AMMECR1: variants seen among roughly 807,000 people sequenced by gnomAD.
The protein encoded by AMMECR1 is nuclear protein AMMECR1.
A neutral mutation model predicts 22.5 loss-of-function variants in AMMECR1; 3 were observed. That is an observed-to-expected ratio of 0.13 (90% CI 0.06 to 0.35). The LOEUF (loss-of-function observed/expected upper bound fraction) is 0.35. Ranked by LOEUF, AMMECR1 falls within the 10% of genes least tolerant of loss-of-function variation. The probability of loss-of-function intolerance (pLI) is 1.00; values close to 1 mark genes in which losing one functional copy is unlikely to be tolerated. For synonymous variants in AMMECR1, 130 were observed against 116.7 expected (o/e 1.11, Z -0.74); for missense variants, 235 against 278.7 (o/e 0.84, Z 1.12).
intron 2 of AMMECR1, among the ~76,000 whole-genome samples, chrX:110,338,271 A>G (rs2068148566): frequency 1.8e-5 from 2 of 112,461 alleles, no homozygotes; most frequent in South Asian, 7.4e-4. Flanking sequence ...AAGAAGACCT[A>G]AAACAGACTT....
At chrX:110,429,458 G>GTTTTTTTTTTTTTTT (rs554736940) in intron 1 of AMMECR1, among the ~76,000 whole-genome samples, 2 of 80,935 alleles carry the variant, frequency 2.5e-5, no homozygotes, top group African/African-American at 9.0e-5. Flanking sequence ...GAGAAAAAGT[G>GTTTTTTTTTTTTTTT]TTTTTTTTTT....
intron 4 of AMMECR1, 134 bp from the exon 5 acceptor site, chrX:110,201,184 A>G: frequency 2.5e-6 from 1 of 397,251 alleles, no homozygotes; most frequent in Non-Finnish European, 4.3e-6. Flanking sequence ...CCTAAAAACA[A>G]TCACACAGAA....
At chrX:110,352,528 C>T (rs2068215114) in intron 2 of AMMECR1, among the ~76,000 whole-genome samples, 1 of 111,630 alleles carries the variant, frequency 9.0e-6, no homozygotes, top group Admixed American at 9.5e-5. Context: ...TTTGGTGGTG[C>T]CCTAGGGGTG....
intron 2 of AMMECR1, among the ~76,000 whole-genome samples, chrX:110,378,754 T>C (rs1161322017): frequency 8.9e-6 from 1 of 111,870 alleles, no homozygotes; most frequent in Non-Finnish European, 1.9e-5. Flanking sequence ...CAATTTCATT[T>C]GAATGGTCCT....
chrX:110,246,195 T>A (rs2067657687), intron 2 of AMMECR1, among the ~76,000 whole-genome samples: 1 of 111,982 alleles, frequency 8.9e-6, no homozygotes, highest in Admixed American at 9.5e-5. Context: ...CACAACTTAA[T>A]AGGTGTGATT....
At chrX:110,229,782 A>G (rs2067553107) in intron 2 of AMMECR1, among the ~76,000 whole-genome samples, 1 of 112,173 alleles carries the variant, frequency 8.9e-6, no homozygotes. Flanking sequence ...CTACCTGGAA[A>G]AGCGGGACAC....
chrX:110,366,335 T>C (rs928794257), intron 2 of AMMECR1, among the ~76,000 whole-genome samples: 1 of 111,881 alleles, frequency 8.9e-6, no homozygotes, highest in African/African-American at 3.3e-5. Context: ...GAGTCCTTAA[T>C]AGGTCAACAG....
chrX:110,239,562 TA>T (rs2067619948), intron 2 of AMMECR1, among the ~76,000 whole-genome samples: 1 of 111,590 alleles, frequency 9.0e-6, no homozygotes, highest in African/African-American at 3.3e-5. Context: ...AAAGACCAAA[TA>T]TTTTTTGATT....
chrX:110,380,136 T>C lies in AMMECR1; in HGVS notation c.-148+46522A>G, dbSNP rs190426535. Among the ~76,000 whole-genome samples the C allele has an allele frequency of 2.7e-5, 3 of 111,454 alleles. No homozygotes were observed. In the East Asian group the frequency reaches 8.4e-4, roughly 31 times the overall value. On this transcript the variant is annotated intron_variant, in intron 2 of 7. Coordinates refer to the AMMECR1 transcript ENST00000372057. ...TGGGAATGGGGCAGGGTGAGAAAGA[T>C]AGTATGAATAAAGGTACAGACATGG...
At chrX:110,246,595 T>C (rs889669926) in intron 2 of AMMECR1, among the ~76,000 whole-genome samples, 1 of 111,976 alleles carries the variant, frequency 8.9e-6, no homozygotes, top group Non-Finnish European at 1.9e-5. Context: ...TGCAAAGATG[T>C]GAAAAATATA....
At chrX:110,292,051 T>A (rs896714894) in intron 1 of AMMECR1, among the ~76,000 whole-genome samples, 20 of 112,411 alleles carry the variant, frequency 1.8e-4, no homozygotes, top group Non-Finnish European at 3.6e-4. Context: ...TTAGTATTGA[T>A]AATACACTAT....
chrX:110,256,038 T>C (rs2067709436), intron 2 of AMMECR1, among the ~76,000 whole-genome samples: 1 of 112,228 alleles, frequency 8.9e-6, no homozygotes. Flanking sequence ...TGCTTAATGG[T>C]GGGGATTCAT....
intron 2 of AMMECR1, among the ~76,000 whole-genome samples, chrX:110,410,961 G>T (rs2068638077): frequency 1.8e-5 from 2 of 112,133 alleles, no homozygotes; most frequent in Admixed American, 1.9e-4. Context: ...TTCCTATTTT[G>T]GTTCCTAAAT....
chrX:110,233,797 T>G (rs932202054), intron 2 of AMMECR1, among the ~76,000 whole-genome samples: 1 of 112,104 alleles, frequency 8.9e-6, no homozygotes, highest in African/African-American at 3.2e-5. Flanking sequence ...TGCTAAAAAC[T>G]CTCAATAAAT....
At chrX:110,302,993 T>G (rs2067976042) in intron 1 of AMMECR1, among the ~76,000 whole-genome samples, 1 of 111,837 alleles carries the variant, frequency 8.9e-6, no homozygotes, top group Non-Finnish European at 1.9e-5. Context: ...AGTGTTTAAA[T>G]ATAACAATTC....
chrX:110,384,849 A>C (rs555511019), intron 2 of AMMECR1, among the ~76,000 whole-genome samples: 2 of 110,689 alleles, frequency 1.8e-5, no homozygotes, highest in East Asian at 5.6e-4. Context: ...AAGAGGTGCA[A>C]AACTCCTGGG....
intron 1 of AMMECR1, among the ~76,000 whole-genome samples, chrX:110,437,916 C>T (rs2068850933): frequency 9.0e-6 from 1 of 111,568 alleles, no homozygotes; most frequent in African/African-American, 3.3e-5. Flanking sequence ...AGGGAGTTCC[C>T]CTATCTCTTA....
At chrX:110,289,973 T>C (rs2067899417) in intron 1 of AMMECR1, among the ~76,000 whole-genome samples, 1 of 111,363 alleles carries the variant, frequency 9.0e-6, no homozygotes, top group African/African-American at 3.3e-5. Flanking sequence ...AAATAAAACA[T>C]ACTGGAATCA....
chrX:110,361,536 T>C (rs1232464391), intron 2 of AMMECR1, among the ~76,000 whole-genome samples: 2 of 111,378 alleles, frequency 1.8e-5, no homozygotes, highest in African/African-American at 6.5e-5. Flanking sequence ...TGACACTCAG[T>C]AACAACAAAA....
Sources: allele counts gnomAD v4.1 joint callset (sites outside exome capture counted in the v4.1 genomes callset), GRCh38; gene constraint gnomAD v4.1.1; transcripts MANE v1.5; gene names NCBI Gene and HGNC (gene_info 2026-07-23, HGNC 2026-07-21).